The following PCDHGB4 variants were observed in gnomAD, a reference collection of about 807,000 sequenced individuals.
PCDHGB4 encodes protocadherin gamma subfamily B, 4, also known as protocadherin gamma-B4.
In PCDHGB4, 38 loss-of-function variants were observed where a neutral mutation model predicts 60.5. The observed-to-expected ratio is 0.63, with a 90% confidence interval of 0.48 to 0.82. The LOEUF is 0.82. Among genes scored for constraint, PCDHGB4 ranks in the 40% least tolerant of loss-of-function variants. The probability of loss-of-function intolerance (pLI) is 0.00; values close to 1 mark genes in which losing one functional copy is unlikely to be tolerated. For synonymous variants in PCDHGB4, 456 were observed against 509.7 expected (o/e 0.89, Z 1.42); for missense variants, 1,109 against 1,209.6 (o/e 0.92, Z 1.23).
At position 141,484,779 on chromosome 5, in the gene PCDHGB4, C is replaced by G. The variant is rs186158562; in HGVS notation, c.2398-10028C>G. On this transcript the variant is annotated intron_variant, in intron 1 of 3. Transcript: ENST00000519479. ...ATATATATATATGTTGTCTGCCTCCCCACAGAGATAACAACCCGTGGAAAA... is the reference window on the plus strand; with the variant it reads ...ATATATATATATGTTGTCTGCCTCCGCACAGAGATAACAACCCGTGGAAAA... Among the ~76,000 whole-genome samples, 137 of 152,130 alleles carry G rather than the reference C, an allele frequency of 9.0e-4. 1 individual carries two copies. Among genetic ancestry groups the G allele is most frequent in the Non-Finnish European group, 1.6e-3 (110 of 67,996 alleles).
chr5:141,401,689 A>G (rs2094183367), intron 1 of PCDHGB4, among the ~76,000 whole-genome samples: 1 of 152,222 alleles, frequency 6.6e-6, no homozygotes, highest in Non-Finnish European at 1.5e-5. Context: ...ATGGAAGGTG[A>G]ATACAGGATT....
chr5:141,476,772 G>A lies in PCDHGB4; in HGVS notation c.2398-18035G>A. 1 of 1,613,650 alleles carries A rather than the reference G, an allele frequency of 6.2e-7. No homozygotes were observed. Among genetic ancestry groups the A allele is most frequent in the South Asian group, 1.1e-5 (1 of 91,086 alleles). ...CAGTTAGTGCTGACGGCGTTGGACG[G>A]AGGGACCCCAGCTCTCTCCGCCAGC... is the stretch of plus-strand genomic sequence containing the variant. On this transcript the variant is annotated intron_variant, in intron 1 of 3. Coordinates refer to ENST00000519479, the MANE Select transcript of PCDHGB4 (RefSeq NM_003736.4). The surrounding 1 kb of genome is among the most constrained non-coding windows in gnomAD (Gnocchi z 7.6).
chr5:141,480,074 A>G (rs976924380), intron 1 of PCDHGB4, among the ~76,000 whole-genome samples: 5 of 152,196 alleles, frequency 3.3e-5, no homozygotes, highest in Non-Finnish European at 7.3e-5. Flanking sequence ...TATAAGATTC[A>G]TGCATGATAT....
At position 141,491,448 on chromosome 5, in the gene PCDHGB4, A is replaced by G; in HGVS notation, c.2398-3359A>G. ...GGCAGTGCTGCAGGCGCCAGGACTC[A>G]CCCTCCCCGGACTTCTATAAGCAGT... On this transcript the variant is annotated intron_variant, in intron 1 of 3. Coordinates refer to ENST00000519479, the MANE Select transcript of PCDHGB4 (RefSeq NM_003736.4). The surrounding 1 kb of genome is among the most constrained non-coding windows in gnomAD (Gnocchi z 6.9). The G allele has an allele frequency of 6.2e-7, 1 of 1,613,792 alleles. No homozygotes were observed. The highest frequency in any genetic ancestry group is 8.5e-7 in the Non-Finnish European group (1 of 1,179,986).
chr5:141,428,495 T>C (rs1023405537), intron 1 of PCDHGB4: 3 of 295,346 alleles, frequency 1.0e-5, no homozygotes, highest in African/African-American at 6.5e-5. Flanking sequence ...AATCTGTATG[T>C]TCCCTCGGAT....
chr5:141,422,727 G>A, intron 1 of PCDHGB4: 6 of 1,606,552 alleles, frequency 3.7e-6, no homozygotes, highest in Non-Finnish European at 5.1e-6. Flanking sequence ...TCCAGGGGGT[G>A]CCTCTGTCCT....
chr5:141,423,943 G>GA, intron 1 of PCDHGB4: 1 of 1,211,382 alleles, frequency 8.3e-7, no homozygotes, highest in Non-Finnish European at 1.0e-6. Flanking sequence ...GAAGTAAGTT[G>GA]AATTTTAGTA....
chr5:141,422,331 T>C (rs768333038), intron 1 of PCDHGB4: 1 of 1,548,508 alleles, frequency 6.5e-7, no homozygotes, highest in South Asian at 1.3e-5. Context: ...CAGTGATTGC[T>C]CTTCTAAATG....
At position 141,487,254 on chromosome 5, in the gene PCDHGB4, C is replaced by T. The variant is rs1341564301; in HGVS notation, c.2398-7553C>T. On this transcript the variant is annotated intron_variant, in intron 1 of 3. Coordinates refer to ENST00000519479, the MANE Select transcript of PCDHGB4 (RefSeq NM_003736.4). The surrounding 1 kb of genome is among the most constrained non-coding windows in gnomAD (Gnocchi z 5.0). Reference sequence around the variant, plus strand: ...GAATCTCGTCTAACCCTCTACTTGGCTGTGTCCCTAGTGGCAATTTGCTTT... The same window carrying T: ...GAATCTCGTCTAACCCTCTACTTGGTTGTGTCCCTAGTGGCAATTTGCTTT... The T allele has an allele frequency of 1.2e-6, 2 of 1,614,126 alleles. No homozygotes were observed. Among genetic ancestry groups the T allele is most frequent in the East Asian group, 4.5e-5 (2 of 44,860 alleles).
intron 3 of PCDHGB4, among the ~76,000 whole-genome samples, chr5:141,507,760 T>G (rs2099863136): frequency 6.6e-6 from 1 of 152,202 alleles, no homozygotes; most frequent in Non-Finnish European, 1.5e-5. Context: ...GCCTCCCACC[T>G]TTGGCCCACA....
chr5:141,473,219 G>A (rs1198994780), intron 1 of PCDHGB4, among the ~76,000 whole-genome samples: 2 of 151,864 alleles, frequency 1.3e-5, no homozygotes, highest in Non-Finnish European at 2.9e-5. Flanking sequence ...TTACTTCCAG[G>A]GAGATTGGAT....
At position 141,389,882 on chromosome 5, in the gene PCDHGB4, G is replaced by T. The variant is rs761230157; in HGVS notation, c.1998G>T (p.Leu666Phe). The change falls in exon 1 of 4, where the codon TTG becomes TTT. Residue 666 changes from leucine to phenylalanine, a missense_variant. By Grantham distance (22) the Leu-to-Phe change is conservative. Transcript: ENST00000519479. ...ATLHLVFADSLQEVLPDITDR... is the reference protein window; with the variant it reads ...ATLHLVFADSFQEVLPDITDR... ...TGCACCTGGTCTTCGCCGACAGCTT[G>T]CAGGAGGTGCTGCCGGATATCACTG... 1.1e-5 allele frequency: 18 copies of T among 1,614,082 alleles called. No homozygotes were observed. The South Asian group carries it at 1.9e-4, about 17-fold the overall frequency.
chr5:141,482,049 C>G (rs1456071625), intron 1 of PCDHGB4, among the ~76,000 whole-genome samples: 2 of 149,284 alleles, frequency 1.3e-5, no homozygotes, highest in Non-Finnish European at 3.0e-5. Context: ...CATGCTGTTG[C>G]ATTCCAGCCT....
At position 141,393,888 on chromosome 5, in the gene PCDHGB4, A is replaced by T. The variant is rs371905513; in HGVS notation, c.2397+3607A>T. 2.5e-6 allele frequency: 4 copies of T among 1,613,898 alleles called. No homozygotes were observed. The highest frequency in any genetic ancestry group is 1.3e-5 in the African/African-American group (1 of 74,932). On this transcript the variant is annotated intron_variant, in intron 1 of 3. Transcript: ENST00000519479. ...GTCTTTGTTTAGCCCAGTGTTAGAAAATTCTCTTCCCGGGACAGTAATTGC... is the reference window on the plus strand; with the variant it reads ...GTCTTTGTTTAGCCCAGTGTTAGAATATTCTCTTCCCGGGACAGTAATTGC...
At chr5:141,422,202 T>C (rs1272540004) in intron 1 of PCDHGB4, 1 of 1,561,656 alleles carries the variant, frequency 6.4e-7, no homozygotes, top group Admixed American at 2.0e-5. Flanking sequence ...GCCAAGATGG[T>C]GGAGGTCTCT....
At chr5:141,416,870 A>G (rs1315073474) in intron 1 of PCDHGB4, 4 of 152,154 alleles carry the variant, frequency 2.6e-5, no homozygotes, top group Non-Finnish European at 5.9e-5. Flanking sequence ...GTCAGTCAAC[A>G]TTTGTTGAAT....
chr5:141,486,405 G>A lies in PCDHGB4; in HGVS notation c.2398-8402G>A. 6.2e-7 allele frequency: 1 copy of A among 1,614,114 alleles called. No homozygotes were observed. The highest frequency in any genetic ancestry group is 2.2e-5 in the East Asian group (1 of 44,862). On this transcript the variant is annotated intron_variant, in intron 1 of 3. Transcript: ENST00000519479. The surrounding 1 kb of genome is among the most constrained non-coding windows in gnomAD (Gnocchi z 5.0). ...AACCAGTTCTCCCTGGTGACTGCTG[G>A]ACCCTTGGATCGAGAGGCCAAATCT...
intron 1 of PCDHGB4, chr5:141,404,273 C>G (rs751189949): frequency 6.2e-7 from 1 of 1,613,870 alleles, no homozygotes; most frequent in African/African-American, 1.3e-5. Flanking sequence ...CATCACCCTG[C>G]AAGTGACTGA....
In PCDHGB4 at chr5:141,430,950, T is replaced by A. The variant is rs756423770; in HGVS notation, c.2397+40669T>A. 7 of 1,609,862 alleles carry A rather than the reference T, an allele frequency of 4.3e-6. No individual in the cohort carries two copies. Among genetic ancestry groups the A allele is most frequent in the Non-Finnish European group, 5.1e-6 (6 of 1,178,368 alleles). On this transcript the variant is annotated intron_variant, in intron 1 of 3. Transcript: ENST00000519479. ...CCCCGGGAGCTCGCGGAGCGCGGAG[T>A]CCGCATCATCCCCAGAGGTAGGACG... is the stretch of plus-strand genomic sequence containing the variant.
Sources: allele counts gnomAD v4.1 joint callset (sites outside exome capture counted in the v4.1 genomes callset), GRCh38; gene constraint gnomAD v4.1.1; non-coding constraint Gnocchi (gnomAD v3.1); transcripts MANE v1.5; gene names NCBI Gene and HGNC (gene_info 2026-07-23, HGNC 2026-07-21).